GATB: variants seen among roughly 807,000 people sequenced by gnomAD.
The protein encoded by GATB is glutamyl-tRNA(Gln) amidotransferase subunit B, mitochondrial.
GATB carries 39 observed loss-of-function variants against 62.3 expected under a neutral mutation model. The observed-to-expected ratio is 0.63, with a 90% CI of 0.48 to 0.82. The LOEUF (loss-of-function observed/expected upper bound fraction) is 0.82. Among genes scored for constraint, GATB ranks in the 40% least tolerant of loss-of-function variants. GATB has a pLI of 0.00. For missense variants in GATB, 670 were observed against 684.0 expected (o/e 0.98, Z 0.23); for synonymous variants, 276 against 258.9 (o/e 1.07, Z -0.63).
intron 2 of GATB, among the ~76,000 whole-genome samples, chr4:151,727,648 G>C (rs1440406424): frequency 2.6e-5 from 4 of 152,192 alleles, no homozygotes; most frequent in Non-Finnish European, 4.4e-5. Flanking sequence ...AATTTAGTCA[G>C]AAAGAACAGA....
chr4:151,705,266 T>G lies in GATB; in HGVS notation c.881A>C (p.Tyr294Ser). The change falls in exon 7 of 13, where the codon TAT becomes TCT. Residue 294 changes from tyrosine to serine, a missense_variant. Tyr to Ser is a moderately radical substitution (Grantham distance 144). Transcript: ENST00000263985. ...TTCATTGATTTGCCTCTGAATTTCA[T>G]AGTCTAGGAAAAACACACTAATTTA... ...SIRFLAKAIDYEIQRQINELE... is the reference protein window; with the variant it reads ...SIRFLAKAIDSEIQRQINELE... 1 of 1,603,944 alleles carries G rather than the reference T, an allele frequency of 6.2e-7. No individual in the cohort carries two copies. Among genetic ancestry groups the G allele is most frequent in the East Asian group, 2.2e-5 (1 of 44,818 alleles).
chr4:151,699,876 T>C (rs555686410), intron 9 of GATB, among the ~76,000 whole-genome samples: 1 of 152,350 alleles, frequency 6.6e-6, no homozygotes, highest in African/African-American at 2.4e-5. Flanking sequence ...TGGTTCATCA[T>C]ACACTACCTC....
chr4:151,706,961 C>G (rs551468209), intron 6 of GATB, among the ~76,000 whole-genome samples: 1 of 152,156 alleles, frequency 6.6e-6, no homozygotes, highest in Non-Finnish European at 1.5e-5. Flanking sequence ...CCTATATCTA[C>G]GGGACTGCTC....
intron 5 of GATB, among the ~76,000 whole-genome samples, chr4:151,708,897 AAGAG>A (rs1245660776): frequency 2.0e-5 from 3 of 151,976 alleles, no homozygotes; most frequent in Non-Finnish European, 4.4e-5. Flanking sequence ...GCTCTTGAGG[AAGAG>A]AGAGAGAGAA....
intron 2 of GATB, among the ~76,000 whole-genome samples, chr4:151,749,637 T>TTA (rs1553970322): frequency 2.7e-5 from 4 of 150,552 alleles, no homozygotes; most frequent in Admixed American, 2.6e-4. Flanking sequence ...TCAAGTATAA[T>TTA]TATATATATA....
intron 9 of GATB, among the ~76,000 whole-genome samples, chr4:151,697,967 A>ATATATATATATTTATATGTG (rs1553967156): frequency 9.8e-6 from 1 of 101,872 alleles, no homozygotes; most frequent in African/African-American, 5.2e-5. Flanking sequence ...ATATATATAT[A>ATATATATATATTTATATGTG]TATATATATA....
chr4:151,675,620 GTGTTTA>G (rs1354014117), intron 11 of GATB: 1 of 152,342 alleles, frequency 6.6e-6, no homozygotes, highest in East Asian at 1.9e-4. Context: ...GCTTTTGTCT[GTGTTTA>G]ATCCCACCCT....
At chr4:151,726,239 C>T (rs1164013621) in intron 2 of GATB, among the ~76,000 whole-genome samples, 1 of 152,176 alleles carries the variant, frequency 6.6e-6, no homozygotes, top group Non-Finnish European at 1.5e-5. Flanking sequence ...CATGAACTCC[C>T]TCTGATTCAT....
At chr4:151,755,586 T>C (rs978370914) in intron 2 of GATB, among the ~76,000 whole-genome samples, 3 of 152,226 alleles carry the variant, frequency 2.0e-5, no homozygotes, top group Admixed American at 6.5e-5. Context: ...CTTTTATGCC[T>C]ACAAAGTTTC....
intron 2 of GATB, among the ~76,000 whole-genome samples, chr4:151,742,400 T>C (rs1739510057): frequency 6.6e-6 from 1 of 152,234 alleles, no homozygotes; most frequent in African/African-American, 2.4e-5. Context: ...GAGGGATATC[T>C]TAATGGGACA....
chr4:151,700,623 C>G (rs1320536710), intron 9 of GATB, among the ~76,000 whole-genome samples: 12 of 152,198 alleles, frequency 7.9e-5, no homozygotes, highest in Non-Finnish European at 1.3e-4. Context: ...GAAGATGCAG[C>G]AACAAAACTT....
intron 2 of GATB, among the ~76,000 whole-genome samples, chr4:151,735,247 A>AAAC (rs201082607): frequency 6.6e-6 from 1 of 151,816 alleles, no homozygotes; most frequent in African/African-American, 2.4e-5. Context: ...AAAAAAAAAA[A>AAAC]AAACAAACAA....
intron 12 of GATB, chr4:151,672,491 G>A (rs746776298): frequency 5.1e-6 from 2 of 392,116 alleles, no homozygotes; most frequent in Non-Finnish European, 9.3e-6. Context: ...GATTTCGTGA[G>A]CTTGCTGACA....
At position 151,730,770 on chromosome 4, in the gene GATB, G is replaced by A. The variant is rs1739228544; in HGVS notation, c.328-11232C>T. On this transcript the variant is annotated intron_variant, in intron 2 of 12. Coordinates refer to ENST00000263985, the MANE Select transcript of GATB (RefSeq NM_004564.3). This position sits in a 1 kb window ranked among gnomAD's most constrained non-coding sequence, Gnocchi z 4.1. ...AACACCCCATGGGACAAAAAGACCT[G>A]AATAGCAGCTTTCAGCCCTGGACCT... 6.6e-6 allele frequency among the ~76,000 whole-genome samples: 1 copy of A among 152,226 alleles called. No homozygotes were observed. The highest frequency in any genetic ancestry group is 6.5e-5 in the Admixed American group (1 of 15,284).
At chr4:151,673,252 T>TGGGG (rs11441654) in intron 11 of GATB, 1 of 148,198 alleles carries the variant, frequency 6.7e-6, no homozygotes, top group African/African-American at 3.1e-5. Context: ...TGACTCCACA[T>TGGGG]GGCGGGGGGG....
chr4:151,671,070 G>C lies in GATB; in HGVS notation c.*104C>G. The C allele has an allele frequency of 7.8e-7, 1 of 1,281,150 alleles. No homozygotes were observed. The highest frequency in any genetic ancestry group is 1.3e-5 in the South Asian group (1 of 77,012). The allele number at this position is 1,281,150 out of a possible 1,614,324, so 79.4% of individuals were successfully genotyped here. On this transcript the variant is annotated 3_prime_UTR_variant, in exon 13 of 13. Coordinates refer to ENST00000263985, the MANE Select transcript of GATB (RefSeq NM_004564.3). ...AGCTGTGGCTTGGGACAGGGATTGA[G>C]AGGCAGCTCTCAGGGCACATGGGCA...
intron 3 of GATB, among the ~76,000 whole-genome samples, chr4:151,718,654 C>G (rs1738962821): frequency 6.6e-6 from 1 of 152,148 alleles, no homozygotes; most frequent in Non-Finnish European, 1.5e-5. Flanking sequence ...CACTAAAAAA[C>G]AGCTCGCCCC....
chr4:151,717,364 G>A, intron 3 of GATB: 1 of 380,720 alleles, frequency 2.6e-6, no homozygotes, highest in Non-Finnish European at 4.9e-6. Context: ...TGCTGTATTG[G>A]GGAATAACAA....
At chr4:151,739,007 G>T (rs906282934) in intron 2 of GATB, among the ~76,000 whole-genome samples, 2 of 152,230 alleles carry the variant, frequency 1.3e-5, no homozygotes, top group Non-Finnish European at 2.9e-5. Context: ...TGGCCTATGA[G>T]TTGGCAAATA....
Sources: gnomAD v4.1 joint callset for allele counts (sites outside exome capture counted in the v4.1 genomes callset) on GRCh38, gnomAD v4.1.1 for gene constraint, Gnocchi (gnomAD v3.1) non-coding constraint, MANE v1.5 for transcripts, NCBI Gene and HGNC (gene_info 2026-07-23, HGNC 2026-07-21) for gene names.